Variants in ERICH6B observed in about 807,000 individuals in gnomAD.
ERICH6B encodes the protein glutamate-rich protein 6B.
In ERICH6B, 69 loss-of-function variants were observed where a neutral mutation model predicts 80.0. That is an observed-to-expected ratio of 0.86 (90% CI 0.71 to 1.05). The LOEUF (loss-of-function observed/expected upper bound fraction) is 1.05. ERICH6B is among the 50% of genes least tolerant of loss of function. ERICH6B has a pLI of 0.00. For synonymous variants in ERICH6B, 283 were observed against 291.9 expected (o/e 0.97, Z 0.31); for missense variants, 754 against 796.1 (o/e 0.95, Z 0.64).
chr13:45,602,133 G>C lies in ERICH6B; in HGVS notation c.-58-5070C>G, dbSNP rs543904573. ...CTGCAGCCCAGCTGAGAAGTTTAGAGATTGGGGTCCGTCTGTCCTTCATTC... is the reference window on the plus strand; with the variant it reads ...CTGCAGCCCAGCTGAGAAGTTTAGACATTGGGGTCCGTCTGTCCTTCATTC... On this transcript the variant is annotated intron_variant, in intron 2 of 14. Coordinates refer to ENST00000298738, the MANE Select transcript of ERICH6B (RefSeq NM_182542.3). 4.6e-5 allele frequency among the ~76,000 whole-genome samples: 7 copies of C among 152,308 alleles called. No individual in the cohort carries two copies. In the East Asian group the frequency reaches 1.4e-3, roughly 29 times the overall value.
At chr13:45,583,764 T>C (rs1015608970) in intron 5 of ERICH6B, among the ~76,000 whole-genome samples, 3 of 152,230 alleles carry the variant, frequency 2.0e-5, no homozygotes, top group Non-Finnish European at 4.4e-5. Context: ...TCTTGCCTGC[T>C]GCCATGTAAG....
chr13:45,563,076 C>G (rs1360407543), intron 10 of ERICH6B, among the ~76,000 whole-genome samples: 4 of 152,188 alleles, frequency 2.6e-5, no homozygotes, highest in Admixed American at 6.5e-5. Context: ...TTCACTGAAG[C>G]CTTCCATGAT....
At chr13:45,580,765 C>T (rs1358517032) in intron 5 of ERICH6B, 100 bp from the exon 6 acceptor site, 22 of 1,245,448 alleles carry the variant, frequency 1.8e-5, no homozygotes, top group Non-Finnish European at 2.5e-5. Flanking sequence ...TTTCTTGGCA[C>T]CCAAGGCTGG....
Position 45,548,647 on chromosome 13 carries a change from T to C in ERICH6B, c.1646+1246A>G, listed in dbSNP as rs544629491. Among the ~76,000 whole-genome samples the C allele has an allele frequency of 2.0e-5, 3 of 152,282 alleles. No homozygotes were observed. The South Asian group carries it at 6.2e-4, about 32-fold the overall frequency. ...GCTCAGGTGCAGAGGGGCCGGGACATGCTGATAGGACTGAGAGGGGGAGCT... is the reference window on the plus strand; with the variant it reads ...GCTCAGGTGCAGAGGGGCCGGGACACGCTGATAGGACTGAGAGGGGGAGCT... On this transcript the variant is annotated intron_variant, in intron 13 of 14. Coordinates refer to ENST00000298738, the MANE Select transcript of ERICH6B (RefSeq NM_182542.3).
intron 1 of ERICH6B, among the ~76,000 whole-genome samples, chr13:45,614,852 G>A (rs145322680): frequency 4.6e-5 from 7 of 152,352 alleles, no homozygotes; most frequent in African/African-American, 1.4e-4. Flanking sequence ...AACAACTGAT[G>A]ACCTACTTCT....
At chr13:45,606,035 G>C (rs552284762) in intron 2 of ERICH6B, among the ~76,000 whole-genome samples, 33 of 152,268 alleles carry the variant, frequency 2.2e-4, no homozygotes, top group Admixed American at 2.1e-3. Flanking sequence ...GGAGATAAGC[G>C]ACATATGTCT....
intron 8 of ERICH6B, among the ~76,000 whole-genome samples, chr13:45,570,410 C>A (rs1285497276): frequency 6.6e-6 from 1 of 152,102 alleles, no homozygotes; most frequent in African/African-American, 2.4e-5. Flanking sequence ...CCAGCCTGGG[C>A]AACATAGTGA....
chr13:45,575,359 G>A (rs1055842447), intron 7 of ERICH6B, among the ~76,000 whole-genome samples: 2 of 152,192 alleles, frequency 1.3e-5, no homozygotes, highest in African/African-American at 4.8e-5. Flanking sequence ...ATGGCAGGGG[G>A]AACCCTATGG....
At chr13:45,612,034 ACTT>A (rs1949902685) in intron 1 of ERICH6B, among the ~76,000 whole-genome samples, 1 of 152,060 alleles carries the variant, frequency 6.6e-6, no homozygotes, top group African/African-American at 2.4e-5. Context: ...CTAAACTTCT[ACTT>A]ATTTTTTGAA....
intron 1 of ERICH6B, among the ~76,000 whole-genome samples, chr13:45,611,308 G>A (rs1949898534): frequency 6.6e-6 from 1 of 152,138 alleles, no homozygotes; most frequent in Admixed American, 6.5e-5. Context: ...TGACATCTCT[G>A]GCAAACAGCA....
At chr13:45,552,961 A>G in intron 11 of ERICH6B, 1 of 183,192 alleles carries the variant, frequency 5.5e-6, no homozygotes, top group Non-Finnish European at 1.2e-5. Context: ...TCTTTGCATG[A>G]TTTAAAAATA....
chr13:45,588,999 C>T (rs1485091444), intron 4 of ERICH6B, among the ~76,000 whole-genome samples: 1 of 152,152 alleles, frequency 6.6e-6, no homozygotes, highest in Admixed American at 6.5e-5. Context: ...AGAGAGGGAG[C>T]CGCTCCAGGC....
At chr13:45,598,073 T>C (rs1876476240) in intron 2 of ERICH6B, among the ~76,000 whole-genome samples, 1 of 152,220 alleles carries the variant, frequency 6.6e-6, no homozygotes, top group Non-Finnish European at 1.5e-5. Context: ...TGATGTCACC[T>C]CCGTTCCATG....
At chr13:45,560,999 C>T (rs982945619) in intron 11 of ERICH6B, among the ~76,000 whole-genome samples, 24 of 152,112 alleles carry the variant, frequency 1.6e-4, no homozygotes, top group African/African-American at 4.3e-4. Context: ...GATCATAGCA[C>T]ACTGCAGCCT....
intron 1 of ERICH6B, among the ~76,000 whole-genome samples, chr13:45,611,663 C>T (rs1210069912): frequency 6.6e-6 from 1 of 152,186 alleles, no homozygotes; most frequent in African/African-American, 2.4e-5. Context: ...TTGACAAACA[C>T]CCCACACAGG....
chr13:45,612,425 A>C (rs1023609400), intron 1 of ERICH6B, among the ~76,000 whole-genome samples: 1 of 152,252 alleles, frequency 6.6e-6, no homozygotes, highest in Non-Finnish European at 1.5e-5. Flanking sequence ...TGAATGAGAA[A>C]AGAGGAGAGT....
intron 11 of ERICH6B, among the ~76,000 whole-genome samples, chr13:45,559,351 C>T (rs530435844): frequency 1.3e-5 from 2 of 152,002 alleles, no homozygotes; most frequent in Non-Finnish European, 2.9e-5. Flanking sequence ...TTTCAAAGAA[C>T]CAACTTTTTG....
Position 45,568,445 on chromosome 13 carries a change from T to A in ERICH6B, c.1057A>T (p.Asn353Tyr), listed in dbSNP as rs1875015927. 1.3e-6 allele frequency: 2 copies of A among 1,512,016 alleles called. No individual in the cohort carries two copies. Among genetic ancestry groups the A allele is most frequent in the Non-Finnish European group, 1.8e-6 (2 of 1,133,170 alleles). 93.7% of individuals were successfully genotyped at this position (1,512,016 alleles called of 1,614,324 possible). A position where few individuals can be genotyped will look rare whatever the true frequency, so the allele number is the denominator to read the frequency against. The change falls in exon 9 of 15, where the codon AAC becomes TAC. Residue 353 changes from asparagine to tyrosine, a missense_variant. By Grantham distance (143) the Asn-to-Tyr change is moderately radical. Transcript: ENST00000298738. ...EVEDLDENFL[N>Y]SSYQTVFKTI... ...TTAAATACTGTCTGATAGGAGCTGT[T>A]CAAAAACTACAAAAGGATCAAAGAA...
chr13:45,565,288 C>T (rs891674481), intron 9 of ERICH6B, among the ~76,000 whole-genome samples: 5 of 152,144 alleles, frequency 3.3e-5, no homozygotes, highest in African/African-American at 9.7e-5. Flanking sequence ...AACTTGCCCA[C>T]GTGATTAGGT....
Sources: gnomAD v4.1 joint callset for allele counts (sites outside exome capture counted in the v4.1 genomes callset) on GRCh38, gnomAD v4.1.1 for gene constraint, MANE v1.5 for transcripts, NCBI Gene and HGNC (gene_info 2026-07-23, HGNC 2026-07-21) for gene names.